SEC11C: variants seen among roughly 807,000 people sequenced by gnomAD.
The protein encoded by SEC11C is signal peptidase complex catalytic subunit SEC11C.
Under a neutral mutation model 21.9 loss-of-function variants are expected in SEC11C, and 10 were observed. That is an observed-to-expected ratio of 0.46 (90% confidence interval 0.28 to 0.77). SEC11C has a LOEUF of 0.77. Ranked by LOEUF, SEC11C falls within the 30% of genes least tolerant of loss-of-function variation. The pLI is 0.12. For synonymous variants in SEC11C, 83 were observed against 85.6 expected, an observed-to-expected ratio of 0.97 and a Z score of 0.17; for missense variants, 145 against 244.5, an observed-to-expected ratio of 0.59 and a Z score of 2.71.
intron 1 of SEC11C, among the ~76,000 whole-genome samples, chr18:59,141,057 C>T (rs1355187725): frequency 1.3e-5 from 2 of 152,112 alleles, no homozygotes; most frequent in Non-Finnish European, 2.9e-5. Flanking sequence ...ATTTTGATGG[C>T]ATCCAGTTTC....
Position 59,155,788 on chromosome 18 carries a change from G to T in SEC11C, c.448G>T (p.Val150Leu). ...CCAGAACTGGCTGGAAAAGAAGGAC[G>T]TGGTGGGAAGAGCAAGAGGGTGAGG... ...EGQNWLEKKD[V>L]VGRARGFLPY... The change falls in exon 4 of 6, where the codon GTG becomes TTG. Residue 150 changes from valine (V) to leucine (L), a missense_variant. Coordinates refer to ENST00000587834, the MANE Select transcript of SEC11C (RefSeq NM_033280.4). 1.2e-6 allele frequency: 2 copies of T among 1,613,846 alleles called. No homozygotes were observed. Among genetic ancestry groups the T allele is most frequent in the Middle Eastern group, 1.7e-4 (1 of 6,060 alleles).
At chr18:59,157,772 G>C (rs1460065622) in intron 5 of SEC11C, 107 bp downstream of exon 5, 1 of 746,536 alleles carries the variant, frequency 1.3e-6, no homozygotes, top group Non-Finnish European at 2.3e-6. Flanking sequence ...CCATTAATAG[G>C]CCTGCAGAAT....
chr18:59,152,919 T>G (rs1217047867), intron 3 of SEC11C: 1 of 333,896 alleles, frequency 3.0e-6, no homozygotes, highest in East Asian at 4.9e-5. Context: ...ACTAAAGCAA[T>G]TCATAAACTT....
chr18:59,141,459 G>T (rs1440285846), intron 1 of SEC11C, among the ~76,000 whole-genome samples: 1 of 152,170 alleles, frequency 6.6e-6, no homozygotes, highest in African/African-American at 2.4e-5. Flanking sequence ...ATTACTGATG[G>T]CTATAATTGC....
chr18:59,153,772 T>C (rs1174958256), intron 3 of SEC11C, among the ~76,000 whole-genome samples: 1 of 151,592 alleles, frequency 6.6e-6, no homozygotes, highest in African/African-American at 2.4e-5. Context: ...AATGGCATGA[T>C]CTCAGCTCAC....
Position 59,152,603 on chromosome 18 carries a change from A to C in SEC11C, c.265A>C (p.Ile89Leu). 6.2e-7 allele frequency: 1 copy of C among 1,613,902 alleles called. No individual in the cohort carries two copies. The highest frequency in any genetic ancestry group is 8.5e-7 in the Non-Finnish European group (1 of 1,179,974). Residue 89 changes from isoleucine to leucine, a missense_variant, in exon 3 of 6, where the codon ATC becomes CTC. By Grantham distance (5) the Ile-to-Leu change is conservative. Transcript: ENST00000587834. ...LFLTNFREDPIRAGEIVVFKV... is the reference protein window; with the variant it reads ...LFLTNFREDPLRAGEIVVFKV... ...CCTCACAAATTTCCGGGAAGACCCA[A>C]TCAGAGCTGGTGAAATAGTTGTTTT...
chr18:59,157,738 A>G (rs555042201), intron 5 of SEC11C, 73 bp downstream of exon 5: 4 of 1,040,566 alleles, frequency 3.8e-6, no homozygotes, highest in Non-Finnish European at 6.0e-6. Flanking sequence ...AACTGTAAAC[A>G]GGCAGTCTTC....
At position 59,139,981 on chromosome 18, in the gene SEC11C, C is replaced by T. The variant is rs1297954262; in HGVS notation, c.33C>T (p.Leu11=). ...GTGCGGGCGCCGTGGGGGCTCATCT[C>T]CCCGCGTCCGGCTTGGATATCTTCG... is the stretch of plus-strand genomic sequence containing the variant. MVRAGAVGAH[L]PASGLDIFGD... Residue 11 remains leucine, a synonymous_variant, in exon 1 of 6, where the codon CTC becomes CTT. Coordinates refer to ENST00000587834, the MANE Select transcript of SEC11C (RefSeq NM_033280.4). 2 of 1,594,570 alleles carry T rather than the reference C, an allele frequency of 1.3e-6. No individual in the cohort carries two copies. The highest frequency in any genetic ancestry group is 1.7e-6 in the Non-Finnish European group (2 of 1,169,066).
chr18:59,145,482 G>A (rs1431556113), intron 1 of SEC11C, among the ~76,000 whole-genome samples: 1 of 152,218 alleles, frequency 6.6e-6, no homozygotes, highest in African/African-American at 2.4e-5. Context: ...AGCCTTCTGG[G>A]TAAAGGCCCT....
At chr18:59,148,418 C>T (rs2069304523) in intron 1 of SEC11C, among the ~76,000 whole-genome samples, 1 of 150,280 alleles carries the variant, frequency 6.7e-6, no homozygotes, top group Admixed American at 6.6e-5. Flanking sequence ...CTTTAGTCAC[C>T]AGGAGTTGGC....
At chr18:59,148,055 T>G (rs2069298663) in intron 1 of SEC11C, 1 of 152,162 alleles carries the variant, frequency 6.6e-6, no homozygotes, top group South Asian at 2.1e-4. Context: ...TAGAGCCATT[T>G]TGGTTCTAGG....
chr18:59,155,218 G>C (rs1322306359), intron 3 of SEC11C, among the ~76,000 whole-genome samples: 1 of 152,242 alleles, frequency 6.6e-6, no homozygotes, highest in Non-Finnish European at 1.5e-5. Context: ...GTCTGGAAAA[G>C]CTCCTTGTCA....
Position 59,152,698 on chromosome 18 carries a change from T to TTC in SEC11C, c.347+13_347+14insTC. 5.7e-6 allele frequency: 9 copies of TTC among 1,573,810 alleles called. No individual in the cohort carries two copies. Among genetic ancestry groups the TTC allele is most frequent in the Non-Finnish European group, 7.7e-6 (9 of 1,165,934 alleles). On this transcript the variant is annotated intron_variant, in intron 3 of 5. Coordinates refer to ENST00000587834, the MANE Select transcript of SEC11C (RefSeq NM_033280.4). ...AAGTTCATGAAAAGTAAAGAGGCTT[T>TTC]ATTTCCTTTTGGTTTTGTTATGTAA... is the stretch of plus-strand genomic sequence containing the variant.
Position 59,158,698 on chromosome 18 carries a change from T to C in SEC11C, c.*13T>C. On this transcript the variant is annotated 3_prime_UTR_variant, in exon 6 of 6. Transcript: ENST00000587834. The stretch of plus-strand genomic sequence containing the variant: ...ACGTGAATCCTAAAATGAGAAGCAG[T>C]TCCTGGGACCAGATTGAAATGAATT... 1 of 1,605,784 alleles carries C rather than the reference T, an allele frequency of 6.2e-7. No homozygotes were observed. Among genetic ancestry groups the C allele is most frequent in the Middle Eastern group, 1.7e-4 (1 of 6,056 alleles).
chr18:59,155,626 T>C (rs2069409742), intron 3 of SEC11C, 62 bp from the exon 4 acceptor site: 1 of 1,560,232 alleles, frequency 6.4e-7, no homozygotes. Context: ...AGTAAACTAA[T>C]ATTTTTGTTA....
chr18:59,147,953 C>T (rs2069296765), intron 1 of SEC11C: 1 of 152,240 alleles, frequency 6.6e-6, no homozygotes, highest in Non-Finnish European at 1.5e-5. Context: ...ACACGGTCCT[C>T]AGGTGTACAC....
At chr18:59,157,956 T>C (rs2069436661) in intron 5 of SEC11C, among the ~76,000 whole-genome samples, 1 of 152,162 alleles carries the variant, frequency 6.6e-6, no homozygotes, top group Admixed American at 6.6e-5. Context: ...AAACCAGTAA[T>C]GCTTACCTCT....
chr18:59,152,433 T>C, intron 2 of SEC11C, 103 bp from the exon 3 acceptor site: 1 of 1,295,058 alleles, frequency 7.7e-7, no homozygotes, highest in Admixed American at 2.6e-5. Flanking sequence ...GTTTTATAGC[T>C]CCTGAGACCT....
chr18:59,152,207 G>A (rs936359075), intron 2 of SEC11C, among the ~76,000 whole-genome samples: 1 of 139,634 alleles, frequency 7.2e-6, no homozygotes, highest in Non-Finnish European at 1.5e-5. Context: ...CAGTTCTGGA[G>A]GAAAACACTA....
Sources: allele counts gnomAD v4.1 joint callset (sites outside exome capture counted in the v4.1 genomes callset), GRCh38; gene constraint gnomAD v4.1.1; transcripts MANE v1.5; gene names NCBI Gene and HGNC (gene_info 2026-07-23, HGNC 2026-07-21).